Variants in CDKAL1 observed in about 807,000 individuals in gnomAD.
CDKAL1 encodes the protein CDKAL1 threonylcarbamoyladenosine tRNA methylthiotransferase, also known as threonylcarbamoyladenosine tRNA methylthiotransferase.
CDKAL1 carries 32 observed loss-of-function variants against 68.2 expected under a neutral mutation model. The ratio of observed to expected loss-of-function variants is 0.47; its 90% CI spans 0.35 to 0.63. CDKAL1 has a LOEUF of 0.63. Ranked by LOEUF, CDKAL1 falls within the 30% of genes least tolerant of loss-of-function variation. The pLI is 0.00. For missense variants in CDKAL1, 606 were observed against 696.7 expected, an observed-to-expected ratio of 0.87 and a Z score of 1.47; for synonymous variants, 234 against 244.3, an observed-to-expected ratio of 0.96 and a Z score of 0.39.
At chr6:20,829,874 T>TTTA (rs771315880) in intron 8 of CDKAL1, among the ~76,000 whole-genome samples, 1 of 152,198 alleles carries the variant, frequency 6.6e-6, no homozygotes, top group Non-Finnish European at 1.5e-5. Context: ...GTTATTTACT[T>TTTA]TTATTATTAT....
At chr6:20,686,632 T>C (rs908047960) in intron 5 of CDKAL1, among the ~76,000 whole-genome samples, 5 of 152,202 alleles carry the variant, frequency 3.3e-5, no homozygotes, top group Non-Finnish European at 7.3e-5. Context: ...GCTTGAATCA[T>C]TCTGAAACCA....
intron 9 of CDKAL1, among the ~76,000 whole-genome samples, chr6:20,932,283 T>G (rs559662642): frequency 3.2e-4 from 48 of 152,316 alleles, no homozygotes; most frequent in African/African-American, 1.1e-3. Context: ...TGTTCTCTTA[T>G]GAACCCACCG....
At chr6:20,825,101 T>G (rs1057389330) in intron 8 of CDKAL1, among the ~76,000 whole-genome samples, 3 of 149,562 alleles carry the variant, frequency 2.0e-5, no homozygotes, top group Non-Finnish European at 4.5e-5. Context: ...TCTGAAATGA[T>G]TGATTAGTTC....
At chr6:20,730,662 T>C (rs1258579446) in intron 5 of CDKAL1, among the ~76,000 whole-genome samples, 1 of 151,782 alleles carries the variant, frequency 6.6e-6, no homozygotes, top group East Asian at 1.9e-4. Flanking sequence ...CTGGCCAACA[T>C]GGTAAAACCC....
chr6:20,782,433 T>G (rs914601175), intron 8 of CDKAL1, among the ~76,000 whole-genome samples: 9 of 152,210 alleles, frequency 5.9e-5, no homozygotes, highest in Non-Finnish European at 1.2e-4. Context: ...ATATTCATTC[T>G]GTCTGTCTAG....
chr6:20,631,213 T>C (rs1299046533), intron 4 of CDKAL1, among the ~76,000 whole-genome samples: 2 of 152,220 alleles, frequency 1.3e-5, no homozygotes, highest in African/African-American at 2.4e-5. Flanking sequence ...TTTTTACCTC[T>C]GGTGTACAAC....
intron 13 of CDKAL1, among the ~76,000 whole-genome samples, chr6:21,113,715 C>G (rs532890406): frequency 6.6e-6 from 1 of 151,412 alleles, no homozygotes; most frequent in South Asian, 2.1e-4. Context: ...GTGATCCACC[C>G]GCCTCAGCCT....
chr6:20,852,926 G>A (rs900319699), intron 9 of CDKAL1, among the ~76,000 whole-genome samples: 1 of 152,182 alleles, frequency 6.6e-6, no homozygotes, highest in African/African-American at 2.4e-5. Context: ...CCTGAACACT[G>A]CAATCCAGGA....
chr6:20,658,127 C>T (rs576686114), intron 5 of CDKAL1, among the ~76,000 whole-genome samples: 1 of 152,140 alleles, frequency 6.6e-6, no homozygotes, highest in Admixed American at 6.5e-5. Context: ...GGATCTTTTC[C>T]ATGCCACCTA....
At chr6:21,186,085 G>A (rs776427678) in intron 13 of CDKAL1, among the ~76,000 whole-genome samples, 73 of 152,122 alleles carry the variant, frequency 4.8e-4, no homozygotes, top group Non-Finnish European at 7.1e-4. Flanking sequence ...TGGGGCAGGG[G>A]GGGTCAGGAG....
At chr6:20,730,357 A>ACGAT (rs1772854328) in intron 5 of CDKAL1, among the ~76,000 whole-genome samples, 1 of 151,432 alleles carries the variant, frequency 6.6e-6, no homozygotes, top group South Asian at 2.1e-4. Flanking sequence ...AAAAGAAAGA[A>ACGAT]AGATAGATAG....
chr6:20,891,605 G>A (rs553844099), intron 9 of CDKAL1, among the ~76,000 whole-genome samples: 1 of 149,034 alleles, frequency 6.7e-6, no homozygotes, highest in Admixed American at 6.8e-5. Flanking sequence ...CGCAGTCTCG[G>A]CTTGCTGCAA....
In CDKAL1 at chr6:20,589,310, TAA is replaced by T. The variant is rs144129754; in HGVS notation, c.286+40609_286+40610del. On this transcript the variant is annotated intron_variant, in intron 4 of 15. Coordinates refer to ENST00000274695, the MANE Select transcript of CDKAL1 (RefSeq NM_017774.3). ...ACTTCAGTGTTAGTAAAAACACTAGTAAAAAGCAGTTAGTTACTTCCTTTTTA... is the reference window on the plus strand; with the variant it reads ...ACTTCAGTGTTAGTAAAAACACTAGTAAAGCAGTTAGTTACTTCCTTTTTA... Among the ~76,000 whole-genome samples, 1,291 of 152,372 alleles carry T rather than the reference TAA, an allele frequency of 8.5e-3. 22 individuals carry two copies. Among genetic ancestry groups the T allele is most frequent in the African/African-American group, 0.029 (1,213 of 41,592 alleles).
At chr6:20,793,789 T>C (rs921876152) in intron 8 of CDKAL1, among the ~76,000 whole-genome samples, 1 of 147,722 alleles carries the variant, frequency 6.8e-6, no homozygotes, top group Admixed American at 6.8e-5. Flanking sequence ...AATTTAATTC[T>C]TTCAGATATA....
chr6:20,957,968 C>CAAAAA (rs60301451), intron 10 of CDKAL1, among the ~76,000 whole-genome samples: 7 of 67,382 alleles, frequency 1.0e-4, no homozygotes, highest in African/African-American at 2.0e-4. Context: ...AAGATTATCT[C>CAAAAA]AAAAAAAAAA....
chr6:20,742,210 G>A (rs1469837246), intron 6 of CDKAL1, among the ~76,000 whole-genome samples: 1 of 152,000 alleles, frequency 6.6e-6, no homozygotes, highest in Admixed American at 6.6e-5. Context: ...CTGGATATTA[G>A]ACCTTTGTCA....
At chr6:20,828,627 G>T (rs1431895951) in intron 8 of CDKAL1, among the ~76,000 whole-genome samples, 1 of 152,138 alleles carries the variant, frequency 6.6e-6, no homozygotes, top group Non-Finnish European at 1.5e-5. Context: ...ATTGTCCATA[G>T]AATTATATTT....
intron 15 of CDKAL1, among the ~76,000 whole-genome samples, chr6:21,226,569 A>C (rs1779755322): frequency 2.6e-5 from 4 of 152,248 alleles, no homozygotes; most frequent in Non-Finnish European, 5.9e-5. Context: ...CAGATAAATA[A>C]CGCCTTTTGC....
At chr6:20,815,186 T>C (rs906207494) in intron 8 of CDKAL1, among the ~76,000 whole-genome samples, 1 of 152,238 alleles carries the variant, frequency 6.6e-6, no homozygotes, top group Non-Finnish European at 1.5e-5. Flanking sequence ...CATTTTTGCA[T>C]TGGTATTCTT....
Sources: allele counts gnomAD v4.1 joint callset (sites outside exome capture counted in the v4.1 genomes callset), GRCh38; gene constraint gnomAD v4.1.1; transcripts MANE v1.5; gene names NCBI Gene and HGNC (gene_info 2026-07-23, HGNC 2026-07-21).